The following EVI5 variants were observed in gnomAD, a reference collection of about 807,000 sequenced individuals.
EVI5 encodes the protein ecotropic viral integration site 5 protein homolog.
In EVI5, 73 loss-of-function variants were observed where a neutral mutation model predicts 112.0. The ratio of observed to expected loss-of-function variants is 0.65; its 90% CI spans 0.54 to 0.79. The LOEUF is 0.79. EVI5 is among the 30% of genes least tolerant of loss of function. The pLI, the probability that EVI5 is intolerant of heterozygous loss-of-function variation, is 0.00. For synonymous variants in EVI5, 305 were observed against 319.9 expected (o/e 0.95, Z 0.50); for missense variants, 900 against 968.8 (o/e 0.93, Z 0.94).
intron 18 of EVI5, among the ~76,000 whole-genome samples, chr1:92,595,536 G>GC (rs1271280412): frequency 2.0e-5 from 3 of 152,088 alleles, no homozygotes; most frequent in Non-Finnish European, 4.4e-5. Context: ...TGCACGTTGT[G>GC]CACACGTACC....
At chr1:92,780,650 G>A (rs1402210941) in intron 1 of EVI5, among the ~76,000 whole-genome samples, 2 of 152,122 alleles carry the variant, frequency 1.3e-5, no homozygotes, top group South Asian at 2.1e-4. Context: ...GCCACACAGT[G>A]CAGATGGACA....
intron 13 of EVI5, among the ~76,000 whole-genome samples, chr1:92,641,528 C>G (rs989419016): frequency 6.6e-6 from 1 of 151,986 alleles, no homozygotes; most frequent in Non-Finnish European, 1.5e-5. Context: ...ACCACTTTCC[C>G]AAAACAAAAT....
intron 10 of EVI5, among the ~76,000 whole-genome samples, chr1:92,669,789 C>A (rs1665553464): frequency 6.6e-6 from 1 of 151,950 alleles, no homozygotes; most frequent in Non-Finnish European, 1.5e-5. Flanking sequence ...TAACTAAAAT[C>A]TACCACCTGA....
chr1:92,612,831 A>T (rs1186000240), intron 16 of EVI5, among the ~76,000 whole-genome samples: 1 of 152,160 alleles, frequency 6.6e-6, no homozygotes, highest in Non-Finnish European at 1.5e-5. Flanking sequence ...TACGGCCACA[A>T]GCTAAGAATG....
At chr1:92,699,622 A>G (rs187153563) in intron 5 of EVI5, among the ~76,000 whole-genome samples, 1 of 152,238 alleles carries the variant, frequency 6.6e-6, no homozygotes, top group East Asian at 1.9e-4. Context: ...AACCTATACC[A>G]TATAGCTTAC....
chr1:92,660,477 TTAGA>T (rs1449632618), intron 13 of EVI5, among the ~76,000 whole-genome samples: 2 of 151,912 alleles, frequency 1.3e-5, no homozygotes, highest in South Asian at 2.1e-4. Flanking sequence ...TGAGTTACAG[TTAGA>T]TAGGAAGAAT....
chr1:92,520,970 T>G (rs1352898433), intron 19 of EVI5, among the ~76,000 whole-genome samples: 5 of 151,734 alleles, frequency 3.3e-5, no homozygotes, highest in African/African-American at 1.2e-4. Context: ...TCTTCTTTTT[T>G]TTTTTTTTTG....
At chr1:92,665,799 T>A (rs1313495317) in intron 11 of EVI5, 140 bp downstream of exon 11, 6 of 526,054 alleles carry the variant, frequency 1.1e-5, no homozygotes, top group East Asian at 9.4e-5. Flanking sequence ...TCTGGCTAAA[T>A]AAATAGTAAG....
At chr1:92,745,986 A>G (rs1679195341) in intron 1 of EVI5, among the ~76,000 whole-genome samples, 1 of 152,218 alleles carries the variant, frequency 6.6e-6, no homozygotes, top group Admixed American at 6.5e-5. Flanking sequence ...AACCTAACTT[A>G]GTTGGCAAAC....
rs561581796 is a variant in EVI5, at chr1:92,790,340, T to A, written c.51+2004A>T. 1.2e-4 allele frequency among the ~76,000 whole-genome samples: 18 copies of A among 152,178 alleles called. No homozygotes were observed. The South Asian group carries it at 3.3e-3, about 28-fold the overall frequency. ...AAATAAACTTAAAAGTTCAGTTTCA[T>A]AGTCACACTCACATAGTTCAAGTGC... is the stretch of plus-strand genomic sequence containing the variant. On this transcript the variant is annotated intron_variant, in intron 1 of 17. Coordinates refer to the EVI5 transcript ENST00000370331.
chr1:92,661,162 G>A (rs1163798121), intron 13 of EVI5, among the ~76,000 whole-genome samples: 6 of 151,892 alleles, frequency 4.0e-5, no homozygotes, highest in African/African-American at 7.3e-5. Flanking sequence ...GAGTGGTGGC[G>A]GTGGATGCTT....
intron 18 of EVI5, among the ~76,000 whole-genome samples, chr1:92,593,505 G>A (rs1256802173): frequency 3.3e-5 from 5 of 152,056 alleles, no homozygotes; most frequent in South Asian, 2.1e-4. Context: ...TTTGAAAACC[G>A]GCACAAGACA....
intron 9 of EVI5, among the ~76,000 whole-genome samples, chr1:92,678,381 A>C (rs1011019083): frequency 6.6e-6 from 1 of 152,024 alleles, no homozygotes; most frequent in Non-Finnish European, 1.5e-5. Flanking sequence ...AAATACAAAA[A>C]TTAGCCAGGT....
intron 18 of EVI5, among the ~76,000 whole-genome samples, chr1:92,570,487 G>A (rs563259319): frequency 9.9e-5 from 15 of 152,214 alleles, no homozygotes; most frequent in Admixed American, 8.5e-4. Flanking sequence ...TTTGAATCTC[G>A]TCCTTAATAA....
upstream of EVI5, among the ~76,000 whole-genome samples, chr1:92,785,257 C>T (rs894945832): frequency 2.0e-5 from 3 of 152,344 alleles, no homozygotes; most frequent in Non-Finnish European, 4.4e-5. Context: ...AAATCGCTCT[C>T]GCCCTCCGCC....
intron 18 of EVI5, among the ~76,000 whole-genome samples, chr1:92,575,509 TTTG>T (rs1670920092): frequency 6.6e-6 from 1 of 151,928 alleles, no homozygotes; most frequent in South Asian, 2.1e-4. Context: ...ATGGTTACAT[TTTG>T]TTATTATATC....
At chr1:92,702,014 T>C in intron 5 of EVI5, 127 bp downstream of exon 5, 1 of 484,272 alleles carries the variant, frequency 2.1e-6, no homozygotes, top group Non-Finnish European at 3.6e-6. Flanking sequence ...AATATTTGTA[T>C]TCAAATTATG....
At chr1:92,627,110 C>A (rs537122225) in intron 14 of EVI5, among the ~76,000 whole-genome samples, 1 of 152,160 alleles carries the variant, frequency 6.6e-6, no homozygotes, top group Non-Finnish European at 1.5e-5. Context: ...GTGTACCCAT[C>A]ACCCAAGCAG....
chr1:92,758,260 G>T (rs1413622220), intron 1 of EVI5, among the ~76,000 whole-genome samples: 1 of 152,054 alleles, frequency 6.6e-6, no homozygotes, highest in East Asian at 1.9e-4. Flanking sequence ...TAAGCCTTTT[G>T]TGATTTTGTT....
Sources: gnomAD v4.1 joint callset for allele counts (sites outside exome capture counted in the v4.1 genomes callset) on GRCh38, gnomAD v4.1.1 for gene constraint, MANE v1.5 for transcripts, NCBI Gene and HGNC (gene_info 2026-07-23, HGNC 2026-07-21) for gene names.